Variants in DOCK5 observed in about 807,000 individuals in gnomAD.
DOCK5 encodes dedicator of cytokinesis protein 5.
In DOCK5, 142 loss-of-function variants were observed where a neutral mutation model predicts 251.8. That is an observed-to-expected ratio of 0.56 (90% CI 0.49 to 0.65). The LOEUF (loss-of-function observed/expected upper bound fraction) is 0.65. Ranked by LOEUF, DOCK5 falls within the 30% of genes least tolerant of loss-of-function variation. The pLI, the probability that DOCK5 is intolerant of heterozygous loss-of-function variation, is 0.00. For missense variants in DOCK5, 2,111 were observed against 2,312.3 expected, an observed-to-expected ratio of 0.91 and a Z score of 1.79; for synonymous variants, 842 against 835.5, an observed-to-expected ratio of 1.01 and a Z score of -0.13.
intron 1 of DOCK5, among the ~76,000 whole-genome samples, chr8:25,231,684 TC>T (rs530441059): frequency 1.3e-5 from 2 of 152,208 alleles, no homozygotes; most frequent in Non-Finnish European, 2.9e-5. Context: ...TATTTCTTTT[TC>T]TTGCCTTATT....
At chr8:25,320,819 T>G (rs747274421) in intron 15 of DOCK5, among the ~76,000 whole-genome samples, 161 bp from the exon 16 acceptor site, 2 of 152,210 alleles carry the variant, frequency 1.3e-5, no homozygotes, top group Admixed American at 1.3e-4. Flanking sequence ...TTCTTTTGAT[T>G]TGAAAATAGC....
intron 51 of DOCK5, among the ~76,000 whole-genome samples, chr8:25,410,939 ATGTGTGTGTG>A (rs763758410): frequency 0.033 from 3,347 of 102,174 alleles, 176 homozygotes; most frequent in African/African-American, 0.1. Flanking sequence ...GAGAGAGAAA[ATGTGTGTGTG>A]TGTGTGTGTG....
In DOCK5 at chr8:25,224,956, A is replaced by C. The variant is rs77738975; in HGVS notation, c.44-18718A>C. 3.5e-3 allele frequency among the ~76,000 whole-genome samples: 528 copies of C among 152,350 alleles called. 2 individuals are homozygous for C. Among genetic ancestry groups the C allele is most frequent in the African/African-American group, 0.012 (509 of 41,572 alleles). ...ACTTGAAAAGACGTTTCTTCAAAGA[A>C]GATATGTAAATGGCCACGAGCATAT... On this transcript the variant is annotated intron_variant, in intron 1 of 51. Transcript: ENST00000276440.
At chr8:25,339,991 C>T (rs886551667) in intron 22 of DOCK5, among the ~76,000 whole-genome samples, 1 of 152,086 alleles carries the variant, frequency 6.6e-6, no homozygotes, top group Non-Finnish European at 1.5e-5. Flanking sequence ...TGGACTGATT[C>T]GAGCTCGTAG....
At chr8:25,256,484 C>T (rs1360843660) in intron 2 of DOCK5, among the ~76,000 whole-genome samples, 2 of 151,776 alleles carry the variant, frequency 1.3e-5, no homozygotes, top group Non-Finnish European at 2.9e-5. Flanking sequence ...ACTAAAAATA[C>T]AAAAATTAGC....
At chr8:25,264,564 G>C (rs552104006) in intron 2 of DOCK5, among the ~76,000 whole-genome samples, 1 of 151,672 alleles carries the variant, frequency 6.6e-6, no homozygotes, top group Admixed American at 6.6e-5. Flanking sequence ...AGTGGCTCAC[G>C]CCTGTAATCC....
intron 7 of DOCK5, 37 bp downstream of exon 7, chr8:25,296,685 G>C: frequency 6.2e-7 from 1 of 1,603,552 alleles, no homozygotes; most frequent in Non-Finnish European, 8.5e-7. Flanking sequence ...GCCCACTGAG[G>C]TTCCATTTTT....
At chr8:25,358,930 A>C in intron 27 of DOCK5, 33 bp from the exon 28 acceptor site, 2 of 1,583,646 alleles carry the variant, frequency 1.3e-6, no homozygotes, top group Non-Finnish European at 1.7e-6. Flanking sequence ...TGGTCTAAGG[A>C]GTCTTGGATT....
chr8:25,402,034 A>G (rs1481044728), intron 47 of DOCK5, among the ~76,000 whole-genome samples: 1 of 152,156 alleles, frequency 6.6e-6, no homozygotes, highest in African/African-American at 2.4e-5. Flanking sequence ...TTTTCTCTCC[A>G]GTGAGTGATG....
At chr8:25,288,647 G>C (rs1181462573) in intron 5 of DOCK5, among the ~76,000 whole-genome samples, 1 of 152,188 alleles carries the variant, frequency 6.6e-6, no homozygotes, top group Non-Finnish European at 1.5e-5. Flanking sequence ...ACTTTGAATA[G>C]CTAAAAGTGG....
intron 5 of DOCK5, among the ~76,000 whole-genome samples, chr8:25,281,873 C>T (rs1268839511): frequency 3.9e-5 from 4 of 103,234 alleles, no homozygotes; most frequent in Admixed American, 2.6e-4. Flanking sequence ...AGGGAGACTC[C>T]GTTTAAAAAA....
intron 18 of DOCK5, among the ~76,000 whole-genome samples, chr8:25,326,469 G>A (rs539995738): frequency 1.3e-5 from 2 of 152,304 alleles, no homozygotes; most frequent in South Asian, 2.1e-4. Flanking sequence ...TGGACAAGTG[G>A]CTAGACTCCA....
intron 1 of DOCK5, among the ~76,000 whole-genome samples, chr8:25,199,544 C>T (rs934275803): frequency 6.6e-5 from 10 of 152,052 alleles, no homozygotes; most frequent in East Asian, 1.9e-4. Flanking sequence ...CCACCACACC[C>T]GGCTAATTTT....
At chr8:25,382,890 G>C in intron 40 of DOCK5, 112 bp downstream of exon 40, 2 of 836,654 alleles carry the variant, frequency 2.4e-6, no homozygotes. Context: ...TCTCGCTGTG[G>C]GAGGTAGGGG....
intron 1 of DOCK5, among the ~76,000 whole-genome samples, chr8:25,201,023 C>G (rs1485947820): frequency 6.6e-6 from 1 of 152,188 alleles, no homozygotes; most frequent in East Asian, 1.9e-4. Flanking sequence ...TCTTCTGCCT[C>G]AGCCTCCTGA....
chr8:25,354,065 C>A (rs535056838), intron 27 of DOCK5, among the ~76,000 whole-genome samples: 51 of 99,006 alleles, frequency 5.2e-4, no homozygotes, highest in African/African-American at 2.0e-3. Flanking sequence ...AAAAAAAAAA[C>A]GTAGGAGAGA....
At chr8:25,303,393 G>C (rs930014545) in intron 10 of DOCK5, among the ~76,000 whole-genome samples, 1 of 152,192 alleles carries the variant, frequency 6.6e-6, no homozygotes, top group Admixed American at 6.5e-5. Context: ...GAAGTGGTTT[G>C]CCGGTCTAGG....
intron 14 of DOCK5, among the ~76,000 whole-genome samples, chr8:25,318,592 CTTTTTTT>C (rs546657586): frequency 1.1e-5 from 1 of 88,248 alleles, no homozygotes; most frequent in African/African-American, 4.5e-5. Context: ...TTCTTTCCTT[CTTTTTTT>C]TTTTTTTTTT....
intron 14 of DOCK5, among the ~76,000 whole-genome samples, chr8:25,319,339 A>G (rs1805357804): frequency 6.6e-6 from 1 of 152,178 alleles, no homozygotes; most frequent in Non-Finnish European, 1.5e-5. Flanking sequence ...GGAAAGAAGA[A>G]TATTTAGGCG....
Sources: allele counts gnomAD v4.1 joint callset (sites outside exome capture counted in the v4.1 genomes callset), GRCh38; gene constraint gnomAD v4.1.1; transcripts MANE v1.5; gene names NCBI Gene and HGNC (gene_info 2026-07-23, HGNC 2026-07-21).